The following SYN3 variants were observed in gnomAD, a reference collection of about 807,000 sequenced individuals.
SYN3 encodes the protein synapsin III.
In SYN3, 35 loss-of-function variants were observed where a neutral mutation model predicts 65.8. The observed-to-expected ratio is 0.53, with a 90% CI of 0.41 to 0.70. The LOEUF (loss-of-function observed/expected upper bound fraction) is 0.70, where lower values mean the gene tolerates loss of function less well. Ranked by LOEUF, SYN3 falls within the 30% of genes least tolerant of loss-of-function variation. The pLI is 0.00. For missense variants in SYN3, 680 were observed against 749.0 expected (o/e 0.91, Z 1.08); for synonymous variants, 270 against 292.9 (o/e 0.92, Z 0.80).
intron 1 of SYN3, among the ~76,000 whole-genome samples, chr22:33,024,017 TCAGGATAC>T (rs1266515069): frequency 6.6e-6 from 1 of 152,150 alleles, no homozygotes; most frequent in African/African-American, 2.4e-5. Flanking sequence ...GTGTGGACAC[TCAGGATAC>T]CATACGTTCC....
chr22:32,721,946 C>T (rs1019673620), intron 6 of SYN3, among the ~76,000 whole-genome samples: 1 of 152,158 alleles, frequency 6.6e-6, no homozygotes, highest in Non-Finnish European at 1.5e-5. Context: ...AGGGTAAAGC[C>T]TTGCAGGCAG....
At chr22:33,028,845 C>G (rs1438662880) in intron 1 of SYN3, among the ~76,000 whole-genome samples, 1 of 152,088 alleles carries the variant, frequency 6.6e-6, no homozygotes, top group Admixed American at 6.5e-5. Flanking sequence ...TCGAGACCAT[C>G]CTGGCTAAGA....
intron 6 of SYN3, among the ~76,000 whole-genome samples, chr22:32,652,193 C>G (rs532521605): frequency 1.6e-4 from 24 of 152,084 alleles, no homozygotes; most frequent in African/African-American, 5.8e-4. Flanking sequence ...CTGCCATCTC[C>G]TCCCCGCTAG....
chr22:33,039,484 T>C (rs2053923892), intron 1 of SYN3, among the ~76,000 whole-genome samples: 1 of 151,546 alleles, frequency 6.6e-6, no homozygotes, highest in Non-Finnish European at 1.5e-5. Flanking sequence ...CAAGCGATTC[T>C]CCTGCATTCA....
At chr22:32,991,862 G>C (rs928868617) in intron 2 of SYN3, among the ~76,000 whole-genome samples, 39 of 152,186 alleles carry the variant, frequency 2.6e-4, no homozygotes, top group Non-Finnish European at 8.8e-5. Context: ...CACCACAGAT[G>C]GCCTCTCTCC....
intron 7 of SYN3, among the ~76,000 whole-genome samples, chr22:32,561,819 G>A (rs1288125737): frequency 2.0e-5 from 3 of 152,192 alleles, no homozygotes; most frequent in African/African-American, 4.8e-5. Flanking sequence ...GCCTGTAGAG[G>A]CCCAACGCTG....
At chr22:32,603,527 C>T (rs1371012133) in intron 6 of SYN3, among the ~76,000 whole-genome samples, 1 of 82,130 alleles carries the variant, frequency 1.2e-5, no homozygotes, top group Non-Finnish European at 2.2e-5. Flanking sequence ...GACTCCGTCT[C>T]AAAAAAAAAG....
chr22:32,947,273 G>C (rs1013154613), intron 3 of SYN3, among the ~76,000 whole-genome samples: 9 of 151,996 alleles, frequency 5.9e-5, no homozygotes, highest in Admixed American at 1.3e-4. Flanking sequence ...TCCCCTAACT[G>C]TCATCAAAGA....
chr22:33,042,795 A>G (rs1397703268), intron 1 of SYN3, among the ~76,000 whole-genome samples: 3 of 152,206 alleles, frequency 2.0e-5, no homozygotes, highest in African/African-American at 7.2e-5. Flanking sequence ...AATCTTGAGT[A>G]GGAGTCAGGT....
chr22:32,802,177 C>T, intron 6 of SYN3: 1 of 1,543,616 alleles, frequency 6.5e-7, no homozygotes, highest in Non-Finnish European at 8.7e-7. Context: ...GACTGCAGCG[C>T]TGCTTAGGGA....
rs34461957 is a variant in SYN3, at chr22:32,641,607, C to CAAAAAAA, written c.712-44878_712-44872dup. Among the ~76,000 whole-genome samples the CAAAAAAA allele has an allele frequency of 3.1e-4, 21 of 67,946 alleles. 1 individual carries two copies. Among genetic ancestry groups the CAAAAAAA allele is most frequent in the South Asian group, 2.2e-3 (3 of 1,362 alleles). The allele number at this position is 67,946 out of a possible 152,430, so 44.6% of individuals were successfully genotyped here. On this transcript the variant is annotated intron_variant, in intron 6 of 13. Coordinates refer to ENST00000358763, the MANE Select transcript of SYN3 (RefSeq NM_003490.4). ...TGGGCGACAGAGCAAGACTCCATCT[C>CAAAAAAA]AAAAAAAAAAAAAAAAAAAAAAATT...
intron 6 of SYN3, among the ~76,000 whole-genome samples, chr22:32,679,056 T>C (rs1220836469): frequency 4.3e-5 from 6 of 138,990 alleles, no homozygotes; most frequent in Admixed American, 3.6e-4. Context: ...TTCTTTTTTT[T>C]TTTTTTTTTT....
At chr22:32,798,084 A>G (rs2046471758) in intron 6 of SYN3, among the ~76,000 whole-genome samples, 1 of 152,210 alleles carries the variant, frequency 6.6e-6, no homozygotes, top group Non-Finnish European at 1.5e-5. Context: ...TATGTTTGGA[A>G]TGCATTAGCT....
intron 6 of SYN3, among the ~76,000 whole-genome samples, chr22:32,703,945 T>G (rs2060845360): frequency 6.6e-6 from 1 of 152,220 alleles, no homozygotes; most frequent in South Asian, 2.1e-4. Flanking sequence ...ATACAACTTA[T>G]GTACCTAAAA....
chr22:32,689,541 G>T (rs2147148286), intron 6 of SYN3, among the ~76,000 whole-genome samples: 1 of 152,266 alleles, frequency 6.6e-6, no homozygotes, highest in Middle Eastern at 3.4e-3. Context: ...CGTCTCCTGG[G>T]GAGGCACAAA....
At chr22:32,606,830 T>A (rs1181475513) in intron 6 of SYN3, among the ~76,000 whole-genome samples, 1 of 151,480 alleles carries the variant, frequency 6.6e-6, no homozygotes. Context: ...AATTTTTAAA[T>A]AAGTATTTAT....
intron 6 of SYN3, among the ~76,000 whole-genome samples, chr22:32,745,348 C>T (rs912774450): frequency 2.0e-5 from 3 of 152,206 alleles, no homozygotes; most frequent in Admixed American, 1.3e-4. Context: ...AGCCTCAGGC[C>T]GCACATCTGG....
chr22:32,935,567 C>T (rs1366634933), intron 3 of SYN3, among the ~76,000 whole-genome samples: 1 of 151,710 alleles, frequency 6.6e-6, no homozygotes, highest in Non-Finnish European at 1.5e-5. Flanking sequence ...TCTCCTGCCT[C>T]AGCCTCCTAA....
intron 6 of SYN3, among the ~76,000 whole-genome samples, chr22:32,671,692 C>T (rs888483028): frequency 8.6e-5 from 13 of 150,556 alleles, no homozygotes; most frequent in Middle Eastern, 3.4e-3. Context: ...GGTACACACA[C>T]GCTGTCACAC....
Sources: allele counts gnomAD v4.1 joint callset (sites outside exome capture counted in the v4.1 genomes callset), GRCh38; gene constraint gnomAD v4.1.1; transcripts MANE v1.5; gene names NCBI Gene and HGNC (gene_info 2026-07-23, HGNC 2026-07-21).